TCF12: variants seen among roughly 807,000 people sequenced by gnomAD.
TCF12 encodes the protein transcription factor 12, also known as DNA-binding protein HTF4.
Under a neutral mutation model 86.0 loss-of-function variants are expected in TCF12, and 45 were observed. That is an observed-to-expected ratio of 0.52 (90% CI 0.41 to 0.67). The LOEUF is 0.67. Ranked by LOEUF, TCF12 falls within the 30% of genes least tolerant of loss-of-function variation. The probability of loss-of-function intolerance (pLI) is 0.00; values close to 1 mark genes in which losing one functional copy is unlikely to be tolerated. For missense variants in TCF12, 881 were observed against 859.9 expected (o/e 1.02, Z -0.31); for synonymous variants, 330 against 299.6 (o/e 1.10, Z -1.05).
chr15:57,251,736 A>G (rs951785585), intron 14 of TCF12, among the ~76,000 whole-genome samples: 14 of 152,172 alleles, frequency 9.2e-5, no homozygotes, highest in African/African-American at 3.1e-4. Flanking sequence ...ACTTTTTTTA[A>G]AAAGACAAGT....
chr15:57,261,964 T>C (rs1292116948), intron 16 of TCF12, 130 bp from the exon 17 acceptor site: 3 of 544,472 alleles, frequency 5.5e-6, no homozygotes, highest in Non-Finnish European at 9.5e-6. Context: ...AATAATGGCA[T>C]CCAGAAAAAG....
intron 3 of TCF12, among the ~76,000 whole-genome samples, chr15:57,007,865 C>CCTTA: frequency 8.4e-5 from 1 of 11,928 alleles, no homozygotes; most frequent in Non-Finnish European, 2.3e-4. Context: ...TTCCTTCCTT[C>CCTTA]CTTCCTTCCT....
At chr15:56,973,386 A>C (rs1347915508) in intron 3 of TCF12, among the ~76,000 whole-genome samples, 1 of 152,098 alleles carries the variant, frequency 6.6e-6, no homozygotes, top group Non-Finnish European at 1.5e-5. Context: ...AGGGCACAGG[A>C]TATTTGTAGG....
At chr15:56,984,538 G>C (rs1247580805) in intron 3 of TCF12, among the ~76,000 whole-genome samples, 1 of 152,086 alleles carries the variant, frequency 6.6e-6, no homozygotes, top group East Asian at 1.9e-4. Flanking sequence ...AGAGTGTTCT[G>C]TGTACCGTAC....
At chr15:56,972,153 C>T (rs2062369281) in intron 3 of TCF12, among the ~76,000 whole-genome samples, 1 of 152,076 alleles carries the variant, frequency 6.6e-6, no homozygotes, top group African/African-American at 2.4e-5. Flanking sequence ...CGTTTTTCTC[C>T]ATCACTAAAA....
intron 5 of TCF12, among the ~76,000 whole-genome samples, chr15:57,105,351 T>C (rs147936257): frequency 2.6e-5 from 4 of 152,330 alleles, no homozygotes; most frequent in African/African-American, 9.6e-5. Context: ...AGGGAACATG[T>C]CTTTAAACCT....
At chr15:57,141,596 A>G (rs1380497946) in intron 5 of TCF12, among the ~76,000 whole-genome samples, 1 of 152,070 alleles carries the variant, frequency 6.6e-6, no homozygotes, top group Non-Finnish European at 1.5e-5. Context: ...TGATCCGCCC[A>G]CCTCAGCCTC....
intron 3 of TCF12, among the ~76,000 whole-genome samples, chr15:57,061,481 A>G (rs768227053): frequency 6.6e-6 from 1 of 152,274 alleles, no homozygotes. Context: ...GCATGTTCCT[A>G]TAGTCCTAGC....
intron 3 of TCF12, 88 bp downstream of exon 3, chr15:56,921,186 A>ATGC: frequency 1.1e-6 from 1 of 907,112 alleles, no homozygotes; most frequent in Non-Finnish European, 1.6e-6. Flanking sequence ...TTTAAATATT[A>ATGC]TTGAATATAT....
intron 19 of TCF12, among the ~76,000 whole-genome samples, chr15:57,276,903 C>G (rs1463044242): frequency 6.8e-6 from 1 of 147,272 alleles, no homozygotes; most frequent in East Asian, 2.0e-4. Flanking sequence ...CTCCTGAGTT[C>G]AAGCGATTCT....
chr15:57,076,047 G>T (rs1315043430), intron 4 of TCF12, among the ~76,000 whole-genome samples: 1 of 151,142 alleles, frequency 6.6e-6, no homozygotes, highest in East Asian at 2.0e-4. Context: ...TAGAGACAGG[G>T]TCTCACTTAG....
chr15:56,923,018 A>G (rs1221124978), intron 3 of TCF12, among the ~76,000 whole-genome samples: 1 of 152,046 alleles, frequency 6.6e-6, no homozygotes, highest in Non-Finnish European at 1.5e-5. Context: ...TGCAGCTATT[A>G]AGGAGCTAAA....
At chr15:57,122,916 A>G (rs1596648077) in intron 5 of TCF12, among the ~76,000 whole-genome samples, 1 of 152,240 alleles carries the variant, frequency 6.6e-6, no homozygotes. Flanking sequence ...TAAAATAGAT[A>G]AGCAGAGCAG....
At chr15:57,244,694 C>G (rs1392379196) in intron 13 of TCF12, among the ~76,000 whole-genome samples, 1 of 151,882 alleles carries the variant, frequency 6.6e-6, no homozygotes, top group Non-Finnish European at 1.5e-5. Flanking sequence ...CTCGTGACTT[C>G]AAGTGATCCA....
At position 57,253,411 on chromosome 15, in the gene TCF12, C is replaced by G; in HGVS notation, c.1410C>G (p.Ser470Arg). The G allele has an allele frequency of 1.9e-6, 3 of 1,614,032 alleles. No homozygotes were observed. The highest frequency in any genetic ancestry group is 1.1e-5 in the South Asian group (1 of 91,074). The change falls in exon 16 of 21, where the codon AGC (serine) becomes AGG (arginine). Residue 470 changes from serine to arginine, a missense_variant. Around this residue, in one of 3 missense-constraint regions of TCF12, gnomAD observed 766 missense variants for 718.9 expected, o/e 1.07. Transcript: ENST00000333725. ...LGPSHNAPIG[S>R]LNSNYGGSSL... ...CATCCCATAATGCACCAATTGGAAG[C>G]CTCAATTCAAACTATGGAGGATCAA... is the stretch of plus-strand genomic sequence containing the variant.
Position 57,069,331 on chromosome 15 carries a change from T to A in TCF12, c.222+5508T>A, listed in dbSNP as rs2069170926. Among the ~76,000 whole-genome samples the A allele has an allele frequency of 2.0e-5, 3 of 152,226 alleles. No individual in the cohort carries two copies. The South Asian group carries it at 6.2e-4, about 31-fold the overall frequency. ...TGAACATTTTTCAGTTTATATGTAA[T>A]CTATTATGGTAGTTATTTTTTTAAA... On this transcript the variant is annotated intron_variant, in intron 4 of 20. Transcript: ENST00000333725.
intron 3 of TCF12, among the ~76,000 whole-genome samples, chr15:56,974,107 A>G (rs1023309078): frequency 4.6e-5 from 7 of 152,118 alleles, no homozygotes; most frequent in Admixed American, 1.3e-4. Context: ...TAAAATCTCA[A>G]TAAGGCCTGT....
At chr15:57,068,914 TATA>T (rs1322293929) in intron 4 of TCF12, among the ~76,000 whole-genome samples, 22 of 152,346 alleles carry the variant, frequency 1.4e-4, no homozygotes, top group Non-Finnish European at 5.9e-5. Flanking sequence ...CATTTATTGA[TATA>T]ATAAGTGAGA....
chr15:57,218,843 C>T (rs1243245685), intron 8 of TCF12, among the ~76,000 whole-genome samples: 5 of 152,100 alleles, frequency 3.3e-5, no homozygotes, highest in African/African-American at 1.2e-4. Context: ...GTGTTCCTTT[C>T]AGTTTTCCTC....
Sources: allele counts gnomAD v4.1 joint callset (sites outside exome capture counted in the v4.1 genomes callset), GRCh38; gene constraint gnomAD v4.1.1; regional missense constraint gnomAD v4.1.1; transcripts MANE v1.5; gene names NCBI Gene and HGNC (gene_info 2026-07-23, HGNC 2026-07-21).